Variants in SCAI observed in about 807,000 individuals in gnomAD.
SCAI encodes the protein suppressor of cancer cell invasion.
Under a neutral mutation model 92.2 loss-of-function variants are expected in SCAI, and 24 were observed. The ratio of observed to expected loss-of-function variants is 0.26; its 90% confidence interval spans 0.19 to 0.37. The LOEUF (loss-of-function observed/expected upper bound fraction) is 0.37. Among genes scored for constraint, SCAI ranks in the 10% least tolerant of loss-of-function variants. The pLI is 1.00. For missense variants in SCAI, 450 were observed against 736.2 expected (o/e 0.61, Z 4.50); for synonymous variants, 261 against 258.6 (o/e 1.01, Z -0.09).
At position 125,143,447 on chromosome 9, in the gene SCAI, G is replaced by C; in HGVS notation, c.-10C>G. 1.5e-6 allele frequency: 2 copies of C among 1,359,198 alleles called. No individual in the cohort carries two copies. Among genetic ancestry groups the C allele is most frequent in the Non-Finnish European group, 1.9e-6 (2 of 1,053,414 alleles). 84.2% of individuals were successfully genotyped at this position (1,359,198 alleles called of 1,614,324 possible). A position where few individuals can be genotyped will look rare whatever the true frequency, so the allele number is the denominator to read the frequency against. On this transcript the variant is annotated 5_prime_UTR_variant, in exon 1 of 18. Coordinates refer to ENST00000336505, the MANE Select transcript of SCAI (RefSeq NM_001144877.3). ...GGGCTCCTCTGACCATCCGGCTCCT[G>C]CTCCGCCGCGGGAGCTGCTCCGGCG...
chr9:125,106,122 AATATATATATATATAT>A (rs1206665762), intron 2 of SCAI, among the ~76,000 whole-genome samples: 220 of 8,868 alleles, frequency 0.025, 9 homozygotes, highest in Middle Eastern at 0.2. Context: ...AAAAAAAAAA[AATATATATATATATAT>A]ATATATATAT....
intron 14 of SCAI, among the ~76,000 whole-genome samples, chr9:124,992,476 C>A (rs1221362218): frequency 6.6e-6 from 1 of 151,608 alleles, no homozygotes. Context: ...CTCCATCTCC[C>A]GGGTTCAAGC....
At chr9:124,956,494 C>G (rs1332050324) in intron 17 of SCAI, among the ~76,000 whole-genome samples, 1 of 152,182 alleles carries the variant, frequency 6.6e-6, no homozygotes, top group Admixed American at 6.5e-5. Flanking sequence ...GCTGGGATTA[C>G]AGGCGTGAGC....
chr9:125,073,073 T>G (rs919196624), intron 2 of SCAI, among the ~76,000 whole-genome samples: 1 of 149,948 alleles, frequency 6.7e-6, no homozygotes, highest in Non-Finnish European at 1.5e-5. Flanking sequence ...TGCTGGATCA[T>G]ATGAGGATTC....
intron 9 of SCAI, among the ~76,000 whole-genome samples, chr9:125,007,334 T>C (rs948878306): frequency 6.6e-6 from 1 of 152,016 alleles, no homozygotes; most frequent in African/African-American, 2.4e-5. Context: ...ATCAACAAAA[T>C]AGACATGGTA....
At chr9:125,036,228 G>A (rs1833193937) in intron 3 of SCAI, among the ~76,000 whole-genome samples, 1 of 152,080 alleles carries the variant, frequency 6.6e-6, no homozygotes, top group South Asian at 2.1e-4. Flanking sequence ...GTATGGTGGG[G>A]ATTAGACAGT....
At chr9:125,104,744 C>G (rs1834741822) in intron 2 of SCAI, among the ~76,000 whole-genome samples, 1 of 151,374 alleles carries the variant, frequency 6.6e-6, no homozygotes, top group Admixed American at 6.6e-5. Flanking sequence ...TTTCTCAAAA[C>G]CCTTTGTTTG....
chr9:125,044,072 G>A (rs1008077745), intron 3 of SCAI, among the ~76,000 whole-genome samples: 1 of 152,152 alleles, frequency 6.6e-6, no homozygotes, highest in South Asian at 2.1e-4. Flanking sequence ...CTGGGGTGGA[G>A]CAAAGTTGTG....
chr9:125,029,712 C>T lies in SCAI; in HGVS notation c.258G>A (p.Gln86=). ...AAGTTCTTCCAAAATAGGACTGCCA[C>T]TGCTTCTGTCCATATTGTGGCAAAT... The part of the protein sequence containing the change: ...LRDLPQYGQK[Q]WQSYFGRTFD... The change falls in exon 4 of 18, where the codon CAG becomes CAA. Residue 86 remains glutamine, a synonymous_variant. Coordinates refer to ENST00000336505, the MANE Select transcript of SCAI (RefSeq NM_001144877.3). 3.1e-6 allele frequency: 5 copies of T among 1,611,534 alleles called. No individual in the cohort carries two copies. The highest frequency in any genetic ancestry group is 1.3e-5 in the African/African-American group (1 of 75,026).
At chr9:125,031,758 T>C (rs1313140091) in intron 3 of SCAI, among the ~76,000 whole-genome samples, 2 of 152,232 alleles carry the variant, frequency 1.3e-5, no homozygotes, top group African/African-American at 2.4e-5. Flanking sequence ...TAAGGTCTCA[T>C]ATTTTCATTG....
At chr9:125,118,752 C>A (rs1835102288) in intron 2 of SCAI, among the ~76,000 whole-genome samples, 1 of 152,120 alleles carries the variant, frequency 6.6e-6, no homozygotes, top group African/African-American at 2.4e-5. Context: ...TCCCTGTGTC[C>A]ATGTGTTCTC....
At chr9:125,036,196 A>G (rs1469584653) in intron 3 of SCAI, among the ~76,000 whole-genome samples, 3 of 152,168 alleles carry the variant, frequency 2.0e-5, no homozygotes, top group African/African-American at 7.2e-5. Context: ...AACCGAGAAG[A>G]GTGGTAACGT....
intron 14 of SCAI, among the ~76,000 whole-genome samples, chr9:124,994,188 C>G (rs539567455): frequency 1.1e-4 from 16 of 152,212 alleles, no homozygotes; most frequent in Admixed American, 7.2e-4. Flanking sequence ...GCACGCACCA[C>G]CACGCCTGGC....
At chr9:125,092,059 G>A (rs1200654642) in intron 2 of SCAI, among the ~76,000 whole-genome samples, 1 of 150,346 alleles carries the variant, frequency 6.7e-6, no homozygotes, top group Non-Finnish European at 1.5e-5. Flanking sequence ...GAACCCAGGA[G>A]GCGGAGCTTG....
intron 9 of SCAI, among the ~76,000 whole-genome samples, chr9:125,016,630 G>T (rs1416828044): frequency 5.3e-5 from 8 of 152,076 alleles, no homozygotes; most frequent in Admixed American, 5.2e-4. Context: ...AAATATATTT[G>T]AACATCAGAT....
chr9:124,972,776 C>T (rs188710403), intron 15 of SCAI, among the ~76,000 whole-genome samples: 1 of 152,178 alleles, frequency 6.6e-6, no homozygotes, highest in African/African-American at 2.4e-5. Flanking sequence ...CTTCCCTCCC[C>T]ACACCTAGTC....
intron 2 of SCAI, among the ~76,000 whole-genome samples, chr9:125,089,369 G>T (rs1454053116): frequency 2.0e-5 from 3 of 152,146 alleles, no homozygotes; most frequent in Admixed American, 1.3e-4. Context: ...GCAGGAAAAG[G>T]TTATACAATT....
At chr9:124,958,394 G>C (rs1361849453) in intron 17 of SCAI, among the ~76,000 whole-genome samples, 1 of 152,186 alleles carries the variant, frequency 6.6e-6, no homozygotes, top group Non-Finnish European at 1.5e-5. Flanking sequence ...AGAATTTAGA[G>C]TTCAGAAATA....
intron 3 of SCAI, among the ~76,000 whole-genome samples, chr9:125,039,318 T>C (rs1482104149): frequency 7.2e-6 from 1 of 138,530 alleles, no homozygotes; most frequent in Non-Finnish European, 1.5e-5. Context: ...ATCTGGGAAG[T>C]GGAGGCTGCA....
Sources: gnomAD v4.1 joint callset for allele counts (sites outside exome capture counted in the v4.1 genomes callset) on GRCh38, gnomAD v4.1.1 for gene constraint, MANE v1.5 for transcripts, NCBI Gene and HGNC (gene_info 2026-07-23, HGNC 2026-07-21) for gene names.